Variants in SF3B1 observed in about 807,000 individuals in gnomAD.
SF3B1 encodes pre-mRNA processing 10.
A neutral mutation model predicts 153.8 loss-of-function variants in SF3B1; 12 were observed. The ratio of observed to expected loss-of-function variants is 0.08; its 90% CI spans 0.05 to 0.13. SF3B1 has a LOEUF of 0.13. Ranked by LOEUF, SF3B1 falls within the 10% of genes least tolerant of loss-of-function variation. The probability of loss-of-function intolerance (pLI) is 1.00; values close to 1 mark genes in which losing one functional copy is unlikely to be tolerated. For missense variants in SF3B1, 513 were observed against 1,606.1 expected, an observed-to-expected ratio of 0.32 and a Z score of 11.63; for synonymous variants, 498 against 525.2, an observed-to-expected ratio of 0.95 and a Z score of 0.71.
chr2:197,434,741 G>A (rs1273358677), intron 1 of SF3B1, among the ~76,000 whole-genome samples: 1 of 152,230 alleles, frequency 6.6e-6, no homozygotes, highest in Non-Finnish European at 1.5e-5. Flanking sequence ...AAGCTACTCT[G>A]AAGTAGCAGG....
chr2:197,392,581 G>GC, intron 24 of SF3B1, 120 bp from the exon 25 acceptor site: 1 of 273,284 alleles, frequency 3.7e-6, no homozygotes, highest in South Asian at 3.2e-5. Context: ...GGGGGGGGGG[G>GC]AACCTACTAA....
intron 6 of SF3B1, among the ~76,000 whole-genome samples, chr2:197,415,103 A>G (rs2085127754): frequency 6.6e-6 from 1 of 151,128 alleles, no homozygotes; most frequent in Non-Finnish European, 1.5e-5. Context: ...TGTTTTCTGC[A>G]GGTTTTTTGT....
rs2085502065 is a variant in SF3B1 at position 197,435,024 on chromosome 2, G to C, written c.-25C>G. On this transcript the variant is annotated 5_prime_UTR_variant, in exon 1 of 25. Coordinates refer to ENST00000335508, the MANE Select transcript of SF3B1 (RefSeq NM_012433.4). The stretch of plus-strand genomic sequence containing the variant: ...TTTTGTCCACTCGAACACACAGACG[G>C]AACTGGCGCTCCCAAGAACTTCCGC... The C allele has an allele frequency of 4.3e-6, 7 of 1,614,258 alleles. No homozygotes were observed. The highest frequency in any genetic ancestry group is 5.9e-6 in the Non-Finnish European group (7 of 1,180,044).
intron 4 of SF3B1, chr2:197,419,053 T>C (rs916089454): frequency 6.7e-6 from 6 of 892,194 alleles, no homozygotes; most frequent in African/African-American, 3.4e-5. Flanking sequence ...CAAATAACTA[T>C]GACTAGATAA....
chr2:197,392,862 C>T (rs2084827050), intron 24 of SF3B1, 110 bp downstream of exon 24: 7 of 662,168 alleles, frequency 1.1e-5, no homozygotes, highest in Non-Finnish European at 1.8e-5. Context: ...ACCACCATGG[C>T]ACATATATAC....
chr2:197,430,585 G>A (rs752081986), intron 1 of SF3B1, among the ~76,000 whole-genome samples: 1 of 152,114 alleles, frequency 6.6e-6, no homozygotes, highest in East Asian at 1.9e-4. Flanking sequence ...TCCCAAGCAG[G>A]TGGGATTACA....
At chr2:197,409,688 C>T in intron 7 of SF3B1, 82 bp downstream of exon 7, 1 of 1,104,874 alleles carries the variant, frequency 9.1e-7, no homozygotes, top group South Asian at 1.4e-5. Flanking sequence ...ACGTGTCCAC[C>T]CAGGAATAAA....
chr2:197,408,185 TA>T, intron 8 of SF3B1, 66 bp from the exon 9 acceptor site: 1 of 1,434,716 alleles, frequency 7.0e-7, no homozygotes, highest in South Asian at 1.2e-5. Flanking sequence ...TACATTGAGA[TA>T]AAAGACAGTT....
At chr2:197,412,636 G>A (rs924464459) in intron 6 of SF3B1, among the ~76,000 whole-genome samples, 39 of 151,588 alleles carry the variant, frequency 2.6e-4, no homozygotes, top group Admixed American at 1.8e-3. Context: ...GATTACAGGC[G>A]TGAGCCACCG....
intron 22 of SF3B1, among the ~76,000 whole-genome samples, chr2:197,397,451 A>C (rs1361816191): frequency 6.6e-6 from 1 of 152,232 alleles, no homozygotes; most frequent in Admixed American, 6.5e-5. Context: ...GAAAACACCT[A>C]AAGTGTAATT....
rs1016940665 is a variant in SF3B1, at chr2:197,390,326, A to G, written c.*1977T>C. The G allele has an allele frequency of 6.6e-5, 10 of 152,210 alleles. No homozygotes were observed. Among genetic ancestry groups the G allele is most frequent in the African/African-American group, 2.4e-4 (10 of 41,448 alleles). 9.4% of individuals were successfully genotyped at this position (152,210 alleles called of 1,614,324 possible). ...AGTACTTGAATTGAAAATACAACTA[A>G]AATTTCCTGAGTCATTTAACATCAA... On this transcript the variant is annotated 3_prime_UTR_variant, in exon 25 of 25. Transcript: ENST00000335508.
At chr2:197,420,644 C>T in intron 3 of SF3B1, 102 bp from the exon 4 acceptor site, 1 of 667,786 alleles carries the variant, frequency 1.5e-6, no homozygotes, top group Non-Finnish European at 2.6e-6. Flanking sequence ...ATGTTTAATA[C>T]ATGCCTACTA....
At chr2:197,404,665 C>T (rs1167599485) in intron 11 of SF3B1, 1 of 152,822 alleles carries the variant, frequency 6.5e-6, no homozygotes, top group Non-Finnish European at 1.5e-5. Context: ...ATGCTATGTC[C>T]TTGATAAAGA....
chr2:197,392,888 G>C, intron 24 of SF3B1, 84 bp downstream of exon 24: 1 of 786,584 alleles, frequency 1.3e-6, no homozygotes, highest in Non-Finnish European at 2.1e-6. Context: ...TAACAAACCT[G>C]CACGTTCAGC....
Position 197,401,360 on chromosome 2 carries a change from A to G in SF3B1, c.2496+40T>C. The stretch of plus-strand genomic sequence containing the variant: ...TTCAAGTTGACTAAAGAATGAGTTG[A>G]AAGGACTTTTGAGAATATTCTTTTA... On this transcript the variant is annotated intron_variant, in intron 17 of 24. Transcript: ENST00000335508. The surrounding 1 kb of genome is among the most constrained non-coding windows in gnomAD (Gnocchi z 4.2). The G allele has an allele frequency of 1.3e-6, 2 of 1,562,106 alleles. No individual in the cohort carries two copies. Among genetic ancestry groups the G allele is most frequent in the Middle Eastern group, 1.7e-4 (1 of 5,846 alleles).
chr2:197,410,514 T>TC lies in SF3B1; in HGVS notation c.667-508_667-507insG, dbSNP rs1292463730. 3.4e-5 allele frequency among the ~76,000 whole-genome samples: 5 copies of TC among 147,700 alleles called. 1 individual carries two copies. The highest frequency in any genetic ancestry group is 1.5e-5 in the Non-Finnish European group (1 of 66,878). Reference sequence around the variant, plus strand: ...ATCACCTATGTAATTTTTTTTTTTTTTTTTTTTTTGAGACAGAGTCTCGCT... The same window carrying TC: ...ATCACCTATGTAATTTTTTTTTTTTTCTTTTTTTTTGAGACAGAGTCTCGCT... On this transcript the variant is annotated intron_variant, in intron 6 of 24. Coordinates refer to ENST00000335508, the MANE Select transcript of SF3B1 (RefSeq NM_012433.4).
intron 3 of SF3B1, 41 bp from the exon 4 acceptor site, chr2:197,420,583 A>C (rs2085224308): frequency 7.5e-7 from 1 of 1,338,748 alleles, no homozygotes. Context: ...ACTTTATTAA[A>C]ATAACAAAAC....
intron 9 of SF3B1, 135 bp downstream of exon 9, chr2:197,407,863 T>C (rs2085015173): frequency 1.4e-6 from 1 of 701,356 alleles, no homozygotes; most frequent in Non-Finnish European, 2.4e-6. Context: ...AACTGAAATA[T>C]ACCTGGAAAT....
At chr2:197,430,069 T>A (rs573531705) in intron 1 of SF3B1, among the ~76,000 whole-genome samples, 2 of 152,218 alleles carry the variant, frequency 1.3e-5, no homozygotes, top group East Asian at 3.9e-4. Context: ...CTGAAAAAGA[T>A]TTAAGAGATA....
Sources: allele counts gnomAD v4.1 joint callset (sites outside exome capture counted in the v4.1 genomes callset), GRCh38; gene constraint gnomAD v4.1.1; non-coding constraint Gnocchi (gnomAD v3.1); transcripts MANE v1.5; gene names NCBI Gene and HGNC (gene_info 2026-07-23, HGNC 2026-07-21).